Variants in CDH12 observed in about 807,000 individuals in gnomAD.
The protein encoded by CDH12 is cadherin 12.
Under a neutral mutation model 74.1 loss-of-function variants are expected in CDH12, and 41 were observed. The observed-to-expected ratio is 0.55, with a 90% CI of 0.43 to 0.72. The LOEUF (loss-of-function observed/expected upper bound fraction) is 0.72, where lower values mean the gene tolerates loss of function less well. Among genes scored for constraint, CDH12 ranks in the 30% least tolerant of loss-of-function variants. The pLI, the probability that CDH12 is intolerant of heterozygous loss-of-function variation, is 0.00. For missense variants in CDH12, 945 were observed against 977.2 expected (o/e 0.97, Z 0.44); for synonymous variants, 399 against 355.0 (o/e 1.12, Z -1.39).
At chr5:22,117,489 T>TATATAA (rs1491147762) in intron 4 of CDH12, among the ~76,000 whole-genome samples, 7 of 48,604 alleles carry the variant, frequency 1.4e-4, no homozygotes, top group African/African-American at 4.4e-4. Flanking sequence ...TATATATATA[T>TATATAA]TATATATATA....
chr5:22,486,880 C>T (rs1302496621), intron 2 of CDH12, among the ~76,000 whole-genome samples: 1 of 152,110 alleles, frequency 6.6e-6, no homozygotes. Flanking sequence ...TGGTCATTAT[C>T]TCCAACTTTC....
intron 4 of CDH12, among the ~76,000 whole-genome samples, chr5:22,186,615 C>T (rs1459075060): frequency 1.3e-5 from 2 of 152,250 alleles, no homozygotes; most frequent in East Asian, 1.9e-4. Context: ...GGATTACAGG[C>T]GTGCATCACC....
chr5:21,948,977 C>T (rs6452039), intron 6 of CDH12, among the ~76,000 whole-genome samples: 148,139 of 151,600 alleles, frequency 0.98, 72,486 homozygotes, highest in East Asian at 1. Context: ...TTCACCATGA[C>T]TGTAAGTTCC....
chr5:22,388,978 A>T (rs374005589), intron 3 of CDH12, among the ~76,000 whole-genome samples: 1 of 152,198 alleles, frequency 6.6e-6, no homozygotes, highest in Non-Finnish European at 1.5e-5. Flanking sequence ...AAGTTTTTCA[A>T]AGCATTTTAA....
intron 5 of CDH12, among the ~76,000 whole-genome samples, chr5:21,978,561 C>CTA (rs903952016): frequency 1.9e-4 from 29 of 152,066 alleles, no homozygotes; most frequent in Middle Eastern, 3.4e-3. Context: ...TTGTATCTAT[C>CTA]TATATATATA....
intron 4 of CDH12, among the ~76,000 whole-genome samples, chr5:22,153,078 C>G (rs1747708710): frequency 6.6e-6 from 1 of 151,968 alleles, no homozygotes; most frequent in African/African-American, 2.4e-5. Context: ...CATTGGAGCA[C>G]AGATATTTTT....
intron 5 of CDH12, among the ~76,000 whole-genome samples, chr5:22,061,971 A>G (rs2150206942): frequency 6.6e-6 from 1 of 152,286 alleles, no homozygotes; most frequent in East Asian, 1.9e-4. Flanking sequence ...ATCCATAAAT[A>G]AGAAAGAGAT....
intron 1 of CDH12, among the ~76,000 whole-genome samples, chr5:22,531,408 T>C (rs996550701): frequency 1.3e-5 from 2 of 152,110 alleles, no homozygotes; most frequent in Non-Finnish European, 2.9e-5. Context: ...AAAAATCAAC[T>C]ACACTACAAA....
At chr5:21,922,094 T>G (rs1464132143) in intron 6 of CDH12, among the ~76,000 whole-genome samples, 1 of 152,174 alleles carries the variant, frequency 6.6e-6, no homozygotes, top group African/African-American at 2.4e-5. Context: ...ACTCCCTGAG[T>G]AACCACTGAT....
chr5:22,334,761 C>T (rs1236951598), intron 3 of CDH12, among the ~76,000 whole-genome samples: 2 of 152,142 alleles, frequency 1.3e-5, no homozygotes, highest in Non-Finnish European at 2.9e-5. Context: ...AACACAGTCT[C>T]TTCAATAAAT....
At chr5:21,850,395 A>ATG (rs1050606658) in intron 7 of CDH12, among the ~76,000 whole-genome samples, 3 of 151,360 alleles carry the variant, frequency 2.0e-5, no homozygotes, top group Non-Finnish European at 4.4e-5. Flanking sequence ...AACCATTTAT[A>ATG]TGTGTGTGTG....
chr5:22,501,101 CTATT>C (rs1205044218), intron 2 of CDH12, among the ~76,000 whole-genome samples: 4 of 152,036 alleles, frequency 2.6e-5, no homozygotes, highest in Non-Finnish European at 4.4e-5. Context: ...AAAAGATCCT[CTATT>C]TATTTATATC....
chr5:22,315,758 A>T (rs1265021640), intron 3 of CDH12, among the ~76,000 whole-genome samples: 1 of 152,170 alleles, frequency 6.6e-6, no homozygotes, highest in Non-Finnish European at 1.5e-5. Context: ...ATTATGGATG[A>T]AGGTTTCAAG....
At chr5:22,205,449 A>G (rs1751168277) in intron 4 of CDH12, among the ~76,000 whole-genome samples, 1 of 152,176 alleles carries the variant, frequency 6.6e-6, no homozygotes, top group African/African-American at 2.4e-5. Flanking sequence ...TTATAGGGGC[A>G]GGTTTGTAAT....
chr5:22,486,399 G>T (rs1359194944), intron 2 of CDH12, among the ~76,000 whole-genome samples: 2 of 151,556 alleles, frequency 1.3e-5, no homozygotes, highest in Non-Finnish European at 2.9e-5. Flanking sequence ...GTAGAAATAG[G>T]CTTTGAATTA....
intron 12 of CDH12, among the ~76,000 whole-genome samples, chr5:21,764,436 T>C (rs1744895780): frequency 6.9e-6 from 1 of 145,046 alleles, no homozygotes; most frequent in Non-Finnish European, 1.5e-5. Context: ...TCACTTGAGG[T>C]CAGGAGTTCG....
chr5:22,677,865 G>T lies in CDH12; in HGVS notation c.-522-172501C>A, dbSNP rs76644065. Among the ~76,000 whole-genome samples, 4 of 152,060 alleles carry T rather than the reference G, an allele frequency of 2.6e-5. No homozygotes were observed. The East Asian group carries it at 7.8e-4, about 29-fold the overall frequency. On this transcript the variant is annotated intron_variant, in intron 1 of 14. Coordinates refer to ENST00000382254, the MANE Select transcript of CDH12 (RefSeq NM_004061.5). ...GGAAGTCTGAGATCAGGGTGCCAAC[G>T]TGGTTAGGTTCTAGTGAAGGACCTC...
At chr5:22,716,342 T>C (rs1743576906) in intron 1 of CDH12, among the ~76,000 whole-genome samples, 1 of 151,998 alleles carries the variant, frequency 6.6e-6, no homozygotes, top group Non-Finnish European at 1.5e-5. Context: ...GCACATACGA[T>C]GGTGTGGTCC....
intron 4 of CDH12, 135 bp downstream of exon 4, chr5:22,212,363 C>T: frequency 3.2e-6 from 1 of 309,334 alleles, no homozygotes; most frequent in Non-Finnish European, 4.7e-6. Flanking sequence ...CGTTTTCACT[C>T]CAGGAAACTT....
Sources: gnomAD v4.1 joint callset for allele counts (sites outside exome capture counted in the v4.1 genomes callset) on GRCh38, gnomAD v4.1.1 for gene constraint, MANE v1.5 for transcripts, NCBI Gene and HGNC (gene_info 2026-07-23, HGNC 2026-07-21) for gene names.